OPCML: variants seen among roughly 807,000 people sequenced by gnomAD.
OPCML encodes the protein opioid-binding protein/cell adhesion molecule.
Under a neutral mutation model 37.8 loss-of-function variants are expected in OPCML, and 13 were observed. That is an observed-to-expected ratio of 0.34 (90% CI 0.22 to 0.55). The LOEUF (loss-of-function observed/expected upper bound fraction) is 0.55, where lower values mean the gene tolerates loss of function less well. Ranked by LOEUF, OPCML falls within the 20% of genes least tolerant of loss-of-function variation. The pLI, the probability that OPCML is intolerant of heterozygous loss-of-function variation, is 0.91. For synonymous variants in OPCML, 176 were observed against 168.8 expected (o/e 1.04, Z -0.33); for missense variants, 341 against 435.6 (o/e 0.78, Z 1.93).
At chr11:132,483,390 C>A (rs1284399840) in intron 4 of OPCML, among the ~76,000 whole-genome samples, 2 of 152,060 alleles carry the variant, frequency 1.3e-5, no homozygotes, top group Admixed American at 6.6e-5. Flanking sequence ...AGGAGAACTA[C>A]AAACCACTGC....
chr11:133,437,727 C>T (rs1691605165), intron 1 of OPCML, among the ~76,000 whole-genome samples: 1 of 147,020 alleles, frequency 6.8e-6, no homozygotes. Context: ...ACCCCGCTCA[C>T]CTCTCCCCTC....
chr11:133,390,200 T>A (rs1017965357), intron 1 of OPCML, among the ~76,000 whole-genome samples: 9 of 152,208 alleles, frequency 5.9e-5, no homozygotes, highest in African/African-American at 1.9e-4. Context: ...GGCTCACGCC[T>A]GTAATCCCGG....
intron 2 of OPCML, among the ~76,000 whole-genome samples, chr11:132,669,686 C>T (rs1305298138): frequency 6.6e-6 from 1 of 152,154 alleles, no homozygotes; most frequent in African/African-American, 2.4e-5. Flanking sequence ...CAGTACAAGG[C>T]AAAGCCATTT....
chr11:133,517,006 T>A (rs1331841279), intron 1 of OPCML, among the ~76,000 whole-genome samples: 2 of 152,218 alleles, frequency 1.3e-5, no homozygotes, highest in East Asian at 3.9e-4. Context: ...CAAGGACACA[T>A]CCCCACGCGA....
At chr11:133,327,248 T>A (rs1352410416) in intron 1 of OPCML, among the ~76,000 whole-genome samples, 1 of 151,534 alleles carries the variant, frequency 6.6e-6, no homozygotes, top group Non-Finnish European at 1.5e-5. Flanking sequence ...ATATGTGGTG[T>A]GTGAGTTGTT....
chr11:132,809,197 C>G (rs1343947326), intron 2 of OPCML, among the ~76,000 whole-genome samples: 1 of 152,164 alleles, frequency 6.6e-6, no homozygotes, highest in Non-Finnish European at 1.5e-5. Flanking sequence ...CATTCGCTGA[C>G]GCTAAGAAGC....
At chr11:132,471,089 T>C (rs922472164) in intron 4 of OPCML, among the ~76,000 whole-genome samples, 1 of 152,176 alleles carries the variant, frequency 6.6e-6, no homozygotes, top group African/African-American at 2.4e-5. Flanking sequence ...TCCAGTTAAA[T>C]GAGCATCAAA....
chr11:132,667,942 A>G (rs1249303788), intron 2 of OPCML, among the ~76,000 whole-genome samples: 1 of 152,220 alleles, frequency 6.6e-6, no homozygotes, highest in African/African-American at 2.4e-5. Flanking sequence ...GAGAATGTAG[A>G]TGATGGGTTT....
chr11:132,784,507 A>G (rs935850930), intron 2 of OPCML, among the ~76,000 whole-genome samples: 1 of 152,076 alleles, frequency 6.6e-6, no homozygotes, highest in Admixed American at 6.5e-5. Context: ...TGGCTGACTC[A>G]CTTGCTCCAG....
At chr11:132,709,538 G>A (rs1199321034) in intron 2 of OPCML, among the ~76,000 whole-genome samples, 1 of 152,156 alleles carries the variant, frequency 6.6e-6, no homozygotes, top group Admixed American at 6.5e-5. Context: ...ATCTGTAGTA[G>A]TGTCTTGGAC....
chr11:132,480,140 A>T (rs2096174253), intron 4 of OPCML, among the ~76,000 whole-genome samples: 1 of 152,156 alleles, frequency 6.6e-6, no homozygotes, highest in South Asian at 2.1e-4. Flanking sequence ...AGAAGAATGT[A>T]TAACTAGAAT....
At chr11:133,281,190 T>C (rs1393934882) in intron 1 of OPCML, among the ~76,000 whole-genome samples, 1 of 152,202 alleles carries the variant, frequency 6.6e-6, no homozygotes, top group African/African-American at 2.4e-5. Flanking sequence ...TATGGTGATA[T>C]GGTTTGGATA....
In OPCML at chr11:132,415,822, T is replaced by G. The variant is rs1415834298; in HGVS notation, c.*4371A>C. On this transcript the variant is annotated 3_prime_UTR_variant, in exon 8 of 8. Coordinates refer to ENST00000524381, the MANE Select transcript of OPCML (RefSeq NM_001012393.5). ...ATTACAAATCTATTTCTTCTTCCTT[T>G]CATTTACTTCTCTTCTCTTAAGTAA... The G allele has an allele frequency of 6.6e-6, 1 of 152,662 alleles. No individual in the cohort carries two copies. Among genetic ancestry groups the G allele is most frequent in the Non-Finnish European group, 1.5e-5 (1 of 68,044 alleles). The allele number at this position is 152,662 out of a possible 1,614,324, so 9.5% of individuals were successfully genotyped here.
At chr11:133,410,133 A>G (rs1945613009) in intron 1 of OPCML, among the ~76,000 whole-genome samples, 1 of 152,182 alleles carries the variant, frequency 6.6e-6, no homozygotes, top group Admixed American at 6.5e-5. Flanking sequence ...CATATAAGTG[A>G]GTGGTGACAG....
At chr11:132,926,369 C>T (rs35013261) in intron 2 of OPCML, among the ~76,000 whole-genome samples, 23,980 of 152,052 alleles carry the variant, frequency 0.16, 2,502 homozygotes, top group Non-Finnish European at 0.23. Context: ...AGACAGCATA[C>T]CTTCTGCAAG....
chr11:132,930,858 C>CA (rs1945176290), intron 2 of OPCML, among the ~76,000 whole-genome samples: 2 of 152,164 alleles, frequency 1.3e-5, no homozygotes, highest in African/African-American at 4.8e-5. Context: ...ATAGCCAAAA[C>CA]AATCTTGAAA....
At chr11:133,523,482 T>TCTC (rs1222223914) in intron 1 of OPCML, among the ~76,000 whole-genome samples, 2 of 152,170 alleles carry the variant, frequency 1.3e-5, no homozygotes, top group African/African-American at 4.8e-5. Flanking sequence ...GGCACAGCCA[T>TCTC]CTCCTGCCTG....
intron 1 of OPCML, among the ~76,000 whole-genome samples, chr11:133,467,785 T>C (rs1353658161): frequency 6.6e-6 from 1 of 152,150 alleles, no homozygotes; most frequent in Non-Finnish European, 1.5e-5. Context: ...CCCAACTTCT[T>C]TGGCCAATTG....
chr11:132,594,322 A>T (rs879659094), intron 3 of OPCML, among the ~76,000 whole-genome samples: 4 of 152,242 alleles, frequency 2.6e-5, no homozygotes, highest in Non-Finnish European at 4.4e-5. Flanking sequence ...AATAACATGC[A>T]GTCCTGGAGC....
Sources: gnomAD v4.1 joint callset for allele counts (sites outside exome capture counted in the v4.1 genomes callset) on GRCh38, gnomAD v4.1.1 for gene constraint, MANE v1.5 for transcripts, NCBI Gene and HGNC (gene_info 2026-07-23, HGNC 2026-07-21) for gene names.